CHD5: variants seen among roughly 807,000 people sequenced by gnomAD.
The protein encoded by CHD5 is ATP-dependent chromatin remodeler CHD5.
Under a neutral mutation model 230.3 loss-of-function variants are expected in CHD5, and 69 were observed. The ratio of observed to expected loss-of-function variants is 0.30; its 90% confidence interval spans 0.25 to 0.37. The LOEUF is 0.37. Ranked by LOEUF, CHD5 falls within the 10% of genes least tolerant of loss-of-function variation. The pLI is 1.00. For synonymous variants in CHD5, 1,064 were observed against 1,065.9 expected, an observed-to-expected ratio of 1.00 and a Z score of 0.03; for missense variants, 1,827 against 2,622.8, an observed-to-expected ratio of 0.70 and a Z score of 6.63.
Position 6,167,888 on chromosome 1 carries a change from G to A in CHD5, c.207+262C>T, listed in dbSNP as rs1003656878. ...GCGACGGAATCCAGCCCTGTCCCTC[G>A]CACAGGATAGGACAACGGGAGGAAG... On this transcript the variant is annotated intron_variant, in intron 2 of 41. Coordinates refer to ENST00000262450, the MANE Select transcript of CHD5 (RefSeq NM_015557.3). The surrounding 1 kb of genome is among the most constrained non-coding windows in gnomAD (Gnocchi z 4.5). 3.3e-5 allele frequency among the ~76,000 whole-genome samples: 5 copies of A among 152,166 alleles called. No homozygotes were observed. Among genetic ancestry groups the A allele is most frequent in the Admixed American group, 6.5e-5 (1 of 15,280 alleles).
At position 6,109,999 on chromosome 1, in the gene CHD5, G is replaced by A. The variant is rs147266752; in HGVS notation, c.5383-9C>T. ...AACGCCTGCTCCAGCAGCTGGGGGC[G>A]GGGCGCAGCGTCGGCCCGGCCCCTC... On this transcript the variant is annotated splice_polypyrimidine_tract_variant and intron_variant, in intron 37 of 41. Transcript: ENST00000262450. 658 of 1,524,180 alleles carry A rather than the reference G, an allele frequency of 4.3e-4. 1 individual carries two copies. The highest frequency in any genetic ancestry group is 5.0e-4 in the Non-Finnish European group (573 of 1,139,012). The allele number at this position is 1,524,180 out of a possible 1,614,324, so 94.4% of individuals were successfully genotyped here. A position where few individuals can be genotyped will look rare whatever the true frequency, so the allele number is the denominator to read the frequency against.
chr1:6,164,820 G>C (rs1350883462), intron 2 of CHD5, among the ~76,000 whole-genome samples: 3 of 152,184 alleles, frequency 2.0e-5, no homozygotes, highest in African/African-American at 7.2e-5. Context: ...CCAAGAACCA[G>C]AGCTGCATCT....
intron 33 of CHD5, among the ~76,000 whole-genome samples, chr1:6,115,888 A>C (rs1666371989): frequency 6.6e-6 from 1 of 152,222 alleles, no homozygotes; most frequent in African/African-American, 2.4e-5. Context: ...TTTGTGACAC[A>C]GCCATGCAAA....
At chr1:6,172,298 A>G (rs1407125728) in intron 1 of CHD5, among the ~76,000 whole-genome samples, 1 of 152,254 alleles carries the variant, frequency 6.6e-6, no homozygotes, top group Non-Finnish European at 1.5e-5. Context: ...ACAGCAACTC[A>G]GAGAGGGGTA....
Position 6,128,584 on chromosome 1 carries a change from C to A in CHD5, c.3645G>T (p.Pro1215=). 1 of 1,613,872 alleles carries A rather than the reference C, an allele frequency of 6.2e-7. No homozygotes were observed. Among genetic ancestry groups the A allele is most frequent in the Non-Finnish European group, 8.5e-7 (1 of 1,179,808 alleles). Reference sequence around the variant, plus strand: ...ACTGGACATCAGGGATGGGTGTGACCGGCCTCTGGCCCTGAGACATCATGC... The same window carrying A: ...ACTGGACATCAGGGATGGGTGTGACAGGCCTCTGGCCCTGAGACATCATGC... ...VEGMMSQGQR[P]VTPIPDVQSS... The change falls in exon 24 of 42, where the codon CCG becomes CCT. Residue 1215 remains proline (P), a synonymous_variant. Coordinates refer to ENST00000262450, the MANE Select transcript of CHD5 (RefSeq NM_015557.3). The surrounding 1 kb of genome is among the most constrained non-coding windows in gnomAD (Gnocchi z 7.8).
Position 6,121,870 on chromosome 1 carries a change from G to A in CHD5, c.4700-297C>T, listed in dbSNP as rs1158096371. ...CTGGAGGCAGGGAAGTGAGGCAGAT[G>A]GAGGCCCAGATTGGGAGCCACGACA... On this transcript the variant is annotated intron_variant, in intron 31 of 41. Transcript: ENST00000262450. This position sits in a 1 kb window ranked among gnomAD's most constrained non-coding sequence, Gnocchi z 4.5. 6.6e-6 allele frequency among the ~76,000 whole-genome samples: 1 copy of A among 152,200 alleles called. No individual in the cohort carries two copies. Among genetic ancestry groups the A allele is most frequent in the Non-Finnish European group, 1.5e-5 (1 of 68,028 alleles).
intron 2 of CHD5, among the ~76,000 whole-genome samples, chr1:6,162,018 G>A (rs968984808): frequency 4.6e-5 from 7 of 152,178 alleles, no homozygotes; most frequent in Admixed American, 1.3e-4. Flanking sequence ...TCACTGTAGC[G>A]AGCTAAACCT....
At chr1:6,170,102 C>A (rs1667313188) in intron 1 of CHD5, among the ~76,000 whole-genome samples, 1 of 152,114 alleles carries the variant, frequency 6.6e-6, no homozygotes, top group Non-Finnish European at 1.5e-5. Flanking sequence ...TGATCATAAC[C>A]ACCTACAGCT....
At position 6,101,874 on chromosome 1, in the gene CHD5, A is replaced by G. The variant is rs1666062370; in HGVS notation, c.*3600T>C. 1 of 297,104 alleles carries G rather than the reference A, an allele frequency of 3.4e-6. No individual in the cohort carries two copies. The highest frequency in any genetic ancestry group is 6.7e-6 in the Non-Finnish European group (1 of 148,986). 18.4% of individuals were successfully genotyped at this position (297,104 alleles called of 1,614,324 possible). On this transcript the variant is annotated 3_prime_UTR_variant, in exon 42 of 42. Coordinates refer to ENST00000262450, the MANE Select transcript of CHD5 (RefSeq NM_015557.3). ...AAGTAAAGGTGATTGTGTTGGCTACAGCCTCTGTCCAGCCTCCCGTGGGCG... is the reference window on the plus strand; with the variant it reads ...AAGTAAAGGTGATTGTGTTGGCTACGGCCTCTGTCCAGCCTCCCGTGGGCG...
rs1666258581 is a variant in CHD5, at chr1:6,109,944, G to A, written c.5429C>T (p.Ala1810Val). Reference sequence around the variant, plus strand: ...GGGGTCCTGCGTCATGTTCAGGTACGCGGCCCTCCGGAGCTGCTCCTCAAT... The same window carrying A: ...GGGGTCCTGCGTCATGTTCAGGTACACGGCCCTCCGGAGCTGCTCCTCAAT... ...LVIEEQLRRAAYLNMTQDPNH... is the reference protein window; with the variant it reads ...LVIEEQLRRAVYLNMTQDPNH... The change falls in exon 38 of 42, where the codon GCG becomes GTG. Residue 1810 changes from alanine to valine, a missense_variant. This residue lies in a region of CHD5 where 208 missense variants were observed against 302.0 expected (regional missense o/e 0.69). Coordinates refer to ENST00000262450, the MANE Select transcript of CHD5 (RefSeq NM_015557.3). 7 of 1,590,502 alleles carry A rather than the reference G, an allele frequency of 4.4e-6. No homozygotes were observed. Among genetic ancestry groups the A allele is most frequent in the Non-Finnish European group, 5.1e-6 (6 of 1,169,542 alleles).
Position 6,149,004 on chromosome 1 carries a change from C to T in CHD5, c.1233G>A (p.Glu411=), listed in dbSNP as rs369674478. The part of the protein sequence containing the change: ...DEEEEGGCEE[E]EDDHMEFCRV... ...GGCAGAACTCCATGTGGTCGTCCTC[C>T]TCCTCCTCGCAGCCGCCCTCCTCCT... is the stretch of plus-strand genomic sequence containing the variant. Residue 411 remains glutamate, a synonymous_variant, in exon 9 of 42, where the codon GAG becomes GAA. Transcript: ENST00000262450. 43 of 1,607,196 alleles carry T rather than the reference C, an allele frequency of 2.7e-5. No individual in the cohort carries two copies. The African/African-American group carries it at 5.2e-4, about 19-fold the overall frequency.
chr1:6,154,045 T>C lies in CHD5; in HGVS notation c.745+615A>G, dbSNP rs1667044939. On this transcript the variant is annotated intron_variant, in intron 5 of 41. Coordinates refer to ENST00000262450, the MANE Select transcript of CHD5 (RefSeq NM_015557.3). The surrounding 1 kb of genome is among the most constrained non-coding windows in gnomAD (Gnocchi z 7.0). ...CTGCCACTGAGGCAGAATTTGGATCTCGATCTCCTTCCAGGCCTGTCCCAG... is the reference window on the plus strand; with the variant it reads ...CTGCCACTGAGGCAGAATTTGGATCCCGATCTCCTTCCAGGCCTGTCCCAG... 6.6e-6 allele frequency among the ~76,000 whole-genome samples: 1 copy of C among 152,034 alleles called. No homozygotes were observed. Among genetic ancestry groups the C allele is most frequent in the South Asian group, 2.1e-4 (1 of 4,816 alleles).
intron 34 of CHD5, 141 bp from the exon 35 acceptor site, chr1:6,112,418 C>T: frequency 9.6e-7 from 1 of 1,046,076 alleles, no homozygotes; most frequent in South Asian, 1.5e-5. Flanking sequence ...CCAGAAGGGT[C>T]TTAAACAAGC....
At chr1:6,176,228 G>A (rs1557566904) in intron 1 of CHD5, among the ~76,000 whole-genome samples, 1 of 152,196 alleles carries the variant, frequency 6.6e-6, no homozygotes, top group African/African-American at 2.4e-5. Flanking sequence ...TAGGGGTGCA[G>A]GCTAAAATGT....
intron 3 of CHD5, 109 bp downstream of exon 3, chr1:6,159,227 T>TTACA: frequency 7.1e-7 from 1 of 1,401,428 alleles, no homozygotes. Context: ...TGAGACTCCA[T>TTACA]CACACACACA....
intron 38 of CHD5, among the ~76,000 whole-genome samples, chr1:6,108,316 C>T (rs754592483): frequency 2.9e-4 from 34 of 115,490 alleles, no homozygotes; most frequent in Non-Finnish European, 4.2e-4. Flanking sequence ...GATGGAGAGA[C>T]GGAGGGATGA....
chr1:6,117,852 T>A (rs1220665234), intron 33 of CHD5, among the ~76,000 whole-genome samples: 1 of 152,150 alleles, frequency 6.6e-6, no homozygotes, highest in Non-Finnish European at 1.5e-5. Context: ...TGTGAACTGA[T>A]GCAATACACA....
At position 6,154,567 on chromosome 1, in the gene CHD5, T is replaced by G; in HGVS notation, c.745+93A>C. 1 of 1,209,774 alleles carries G rather than the reference T, an allele frequency of 8.3e-7. No homozygotes were observed. The highest frequency in any genetic ancestry group is 1.7e-5 in the South Asian group (1 of 59,350). The allele number at this position is 1,209,774 out of a possible 1,614,324, so 74.9% of individuals were successfully genotyped here. A position where few individuals can be genotyped will look rare whatever the true frequency, so the allele number is the denominator to read the frequency against. ...CCATTAGGAGCACCCCAGCTGCCCCTCCCTGCCCGCGTCTGCCCCGTGGCT... is the reference window on the plus strand; with the variant it reads ...CCATTAGGAGCACCCCAGCTGCCCCGCCCTGCCCGCGTCTGCCCCGTGGCT... On this transcript the variant is annotated intron_variant, in intron 5 of 41. Transcript: ENST00000262450. The surrounding 1 kb of genome is among the most constrained non-coding windows in gnomAD (Gnocchi z 7.0).
rs148282370 is a variant in CHD5 at position 6,121,117 on chromosome 1, G to T, written c.4900C>A (p.Gln1634Lys). ...AAGAAGCCCCAACCTCTCGGCAGCT[G>T]CTCCGGGGAGGGCGGGGCCTTCTCC... ...ETEKAPPSPE[Q>K]LPREEVLPEK... Residue 1634 changes from glutamine to lysine, a missense_variant, in exon 33 of 42, where the codon CAG becomes AAG. This residue lies in a region of CHD5 where 272 missense variants were observed against 263.2 expected (regional missense o/e 1.03). Coordinates refer to ENST00000262450, the MANE Select transcript of CHD5 (RefSeq NM_015557.3). The surrounding 1 kb of genome is among the most constrained non-coding windows in gnomAD (Gnocchi z 4.5). 47 of 1,603,450 alleles carry T rather than the reference G, an allele frequency of 2.9e-5. No homozygotes were observed. In the African/African-American group the frequency reaches 5.0e-4, roughly 17 times the overall value.
Sources: gnomAD v4.1 joint callset for allele counts (sites outside exome capture counted in the v4.1 genomes callset) on GRCh38, gnomAD v4.1.1 for gene constraint, gnomAD v4.1.1 regional missense constraint, Gnocchi (gnomAD v3.1) non-coding constraint, MANE v1.5 for transcripts, NCBI Gene and HGNC (gene_info 2026-07-23, HGNC 2026-07-21) for gene names.